Variants in ANHX observed in about 807,000 individuals in gnomAD.
ANHX encodes the protein anomalous homeobox protein.
In ANHX, 20 loss-of-function variants were observed where a neutral mutation model predicts 38.9. That is an observed-to-expected ratio of 0.51 (90% confidence interval 0.36 to 0.75). The LOEUF (loss-of-function observed/expected upper bound fraction) is 0.75, where lower values mean the gene tolerates loss of function less well. Among genes scored for constraint, ANHX ranks in the 30% least tolerant of loss-of-function variants. The pLI, the probability that ANHX is intolerant of heterozygous loss-of-function variation, is 0.00. For missense variants in ANHX, 475 were observed against 493.1 expected (o/e 0.96, Z 0.35); for synonymous variants, 185 against 203.1 (o/e 0.91, Z 0.76).
intron 7 of ANHX, among the ~76,000 whole-genome samples, chr12:133,225,104 T>TAA (rs753252364): frequency 6.6e-6 from 1 of 152,174 alleles, no homozygotes; most frequent in South Asian, 2.1e-4. Context: ...ACATACTCTT[T>TAA]AAATGATTTT....
At chr12:133,225,354 T>G (rs1339131911) in intron 7 of ANHX, among the ~76,000 whole-genome samples, 182 bp downstream of exon 7, 3 of 151,314 alleles carry the variant, frequency 2.0e-5, no homozygotes, top group Non-Finnish European at 4.4e-5. Flanking sequence ...ATAAAACAGA[T>G]GAGAAATAAT....
intron 7 of ANHX, among the ~76,000 whole-genome samples, chr12:133,222,406 C>T (rs988025672): frequency 6.6e-6 from 1 of 152,040 alleles, no homozygotes; most frequent in African/African-American, 2.4e-5. Flanking sequence ...CATCCGGGTA[C>T]CCAGGCAGCA....
intron 1 of ANHX, 196 bp from the exon 2 acceptor site, chr12:133,234,574 C>G: frequency 1.6e-6 from 1 of 618,874 alleles, no homozygotes; most frequent in South Asian, 2.0e-5. Context: ...CCTTCTAATC[C>G]CCCAAATACT....
chr12:133,220,368 C>T (rs1957092242), intron 8 of ANHX, among the ~76,000 whole-genome samples: 1 of 152,096 alleles, frequency 6.6e-6, no homozygotes, highest in Non-Finnish European at 1.5e-5. Flanking sequence ...AAGGGGACAC[C>T]GTGGCCATGG....
chr12:133,219,536 G>T (rs1027854767), intron 8 of ANHX, among the ~76,000 whole-genome samples, 169 bp from the exon 9 acceptor site: 2 of 152,186 alleles, frequency 1.3e-5, no homozygotes, highest in African/African-American at 4.8e-5. Context: ...GTTAGGAGGG[G>T]AACATGTTAC....
In ANHX at chr12:133,221,440, C is replaced by T. The variant is rs980903820; in HGVS notation, c.1133-88G>A. ...CAACCAAGACCTCAAAGCACGGAGG[C>T]GGATGCAGCCTCCGGCCCAGCCAGC... On this transcript the variant is annotated intron_variant, in intron 7 of 9. Transcript: ENST00000545940. This position sits in a 1 kb window ranked among gnomAD's most constrained non-coding sequence, Gnocchi z 4.1. The T allele has an allele frequency of 9.1e-5, 129 of 1,420,574 alleles. No homozygotes were observed. The South Asian group carries it at 1.2e-3, about 14-fold the overall frequency. 88.0% of individuals were successfully genotyped at this position (1,420,574 alleles called of 1,614,324 possible).
At chr12:133,226,193 G>T in intron 6 of ANHX, 125 bp downstream of exon 6, 1 of 1,458,272 alleles carries the variant, frequency 6.9e-7, no homozygotes, top group Non-Finnish European at 9.2e-7. Flanking sequence ...TCTCCCTGGG[G>T]TCTGACCTGA....
At position 133,221,456 on chromosome 12, in the gene ANHX, C is replaced by T. The variant is rs913875214; in HGVS notation, c.1133-104G>A. On this transcript the variant is annotated intron_variant, in intron 7 of 9. Transcript: ENST00000545940. The surrounding 1 kb of genome is among the most constrained non-coding windows in gnomAD (Gnocchi z 4.1). ...GCACGGAGGCGGATGCAGCCTCCGG[C>T]CCAGCCAGCCCGCGCCACGTGAACC... The T allele has an allele frequency of 7.6e-7, 1 of 1,313,496 alleles. No homozygotes were observed. The highest frequency in any genetic ancestry group is 1.0e-6 in the Non-Finnish European group (1 of 983,942). 81.4% of individuals were successfully genotyped at this position (1,313,496 alleles called of 1,614,324 possible).
chr12:133,224,621 A>C (rs150358738), intron 7 of ANHX, among the ~76,000 whole-genome samples: 101,109 of 136,226 alleles, frequency 0.74, 37,948 homozygotes, highest in East Asian at 0.9. Context: ...CGAGATCGTG[A>C]CACTGCACTC....
chr12:133,231,552 C>A lies in ANHX; in HGVS notation c.342G>T (p.Ala114=). 2 of 1,536,094 alleles carry A rather than the reference C, an allele frequency of 1.3e-6. No individual in the cohort carries two copies. The highest frequency in any genetic ancestry group is 1.7e-6 in the Non-Finnish European group (2 of 1,146,894). ...RLVMRRLGVA[A]LTPVQKFRCR... ...AGCGGAACTTCTGCACCGGGGTGAG[C>A]GCAGCCACGCCCAGCCTCCTCATGA... The change falls in exon 3 of 10, where the codon GCG becomes GCT. Residue 114 remains alanine, a synonymous_variant. Coordinates refer to ENST00000545940, the MANE Select transcript of ANHX (RefSeq NM_001372060.1).
In ANHX at chr12:133,221,998, T is replaced by C. The variant is rs1373920816; in HGVS notation, c.1133-646A>G. Among the ~76,000 whole-genome samples, 1 of 152,096 alleles carries C rather than the reference T, an allele frequency of 6.6e-6. No individual in the cohort carries two copies. The highest frequency in any genetic ancestry group is 2.4e-5 in the African/African-American group (1 of 41,428). ...TTAAGATGGCCCTGATCTCAAGACA[T>C]GGAACAAGCGGCCTGGGGGTGAGGC... On this transcript the variant is annotated intron_variant, in intron 7 of 9. Transcript: ENST00000545940. This position sits in a 1 kb window ranked among gnomAD's most constrained non-coding sequence, Gnocchi z 4.1.
chr12:133,223,249 A>C (rs1263888947), intron 7 of ANHX, among the ~76,000 whole-genome samples: 1 of 151,908 alleles, frequency 6.6e-6, no homozygotes, highest in East Asian at 1.9e-4. Flanking sequence ...AGAATTTAAG[A>C]AATACCCAAA....
At position 133,221,057 on chromosome 12, in the gene ANHX, G is replaced by GA; in HGVS notation, c.1280+147_1280+148insT. On this transcript the variant is annotated intron_variant, in intron 8 of 9. Coordinates refer to ENST00000545940, the MANE Select transcript of ANHX (RefSeq NM_001372060.1). The surrounding 1 kb of genome is among the most constrained non-coding windows in gnomAD (Gnocchi z 4.1). ...AACTACCCTTTTCTTCATAGGTGTA[G>GA]GCTTGTGGGGACTGTTACAGTTTTC... 1 of 1,103,942 alleles carries GA rather than the reference G, an allele frequency of 9.1e-7. No individual in the cohort carries two copies. 68.4% of individuals were successfully genotyped at this position (1,103,942 alleles called of 1,614,324 possible).
intron 7 of ANHX, among the ~76,000 whole-genome samples, chr12:133,223,436 G>T (rs1002316351): frequency 2.7e-5 from 4 of 148,742 alleles, no homozygotes; most frequent in African/African-American, 9.8e-5. Context: ...GCTTACAGGA[G>T]ACTTTATTCT....
intron 2 of ANHX, 120 bp from the exon 3 acceptor site, chr12:133,231,764 T>C: frequency 7.8e-7 from 1 of 1,285,634 alleles, no homozygotes; most frequent in Non-Finnish European, 1.0e-6. Context: ...AAGAGCAGGG[T>C]TCTGGGTTCA....
intron 7 of ANHX, among the ~76,000 whole-genome samples, 41 bp downstream of exon 7, chr12:133,225,495 G>A (rs1440179265): frequency 6.6e-6 from 1 of 152,234 alleles, no homozygotes; most frequent in Non-Finnish European, 1.5e-5. Flanking sequence ...TAGTCACAGT[G>A]TCTGGTGCTG....
intron 8 of ANHX, among the ~76,000 whole-genome samples, chr12:133,220,519 T>C (rs36127651): frequency 0.78 from 118,185 of 152,158 alleles, 46,715 homozygotes; most frequent in African/African-American, 0.92. Context: ...CCTATGTCCC[T>C]CTGTAATTCT....
chr12:133,234,257 C>G lies in ANHX; in HGVS notation c.100G>C (p.Asp34His). The G allele has an allele frequency of 6.5e-7, 1 of 1,536,172 alleles. No homozygotes were observed. The highest frequency in any genetic ancestry group is 8.7e-7 in the Non-Finnish European group (1 of 1,146,896). ...LAGRLCRDFQDDLAQLQPLVT... is the reference protein window; with the variant it reads ...LAGRLCRDFQHDLAQLQPLVT... ...AAAGGCTGCAGTTGGGCAAGGTCAT[C>G]CTGGAAGTCCCGGCACAGTCTGCCC... is the stretch of plus-strand genomic sequence containing the variant. The change falls in exon 2 of 10, where the codon GAT becomes CAT. Residue 34 changes from aspartate to histidine, a missense_variant. Coordinates refer to ENST00000545940, the MANE Select transcript of ANHX (RefSeq NM_001372060.1).
In ANHX at chr12:133,219,375, A is replaced by T; in HGVS notation, c.1281-8T>A. On this transcript the variant is annotated splice_region_variant and splice_polypyrimidine_tract_variant and intron_variant, in intron 8 of 9. Coordinates refer to ENST00000545940, the MANE Select transcript of ANHX (RefSeq NM_001372060.1). ...GGGGCCAGCTCTGGAGGGCTGGAAA[A>T]GAGACAGTGTAAGAATAGGCCCTAT... 6.6e-7 allele frequency: 1 copy of T among 1,513,836 alleles called. No individual in the cohort carries two copies. The highest frequency in any genetic ancestry group is 1.2e-5 in the South Asian group (1 of 81,314). 93.8% of individuals were successfully genotyped at this position (1,513,836 alleles called of 1,614,324 possible).
Sources: allele counts gnomAD v4.1 joint callset (sites outside exome capture counted in the v4.1 genomes callset), GRCh38; gene constraint gnomAD v4.1.1; non-coding constraint Gnocchi (gnomAD v3.1); transcripts MANE v1.5; gene names NCBI Gene and HGNC (gene_info 2026-07-23, HGNC 2026-07-21).